PGM2: variants seen among roughly 807,000 people sequenced by gnomAD.
PGM2 encodes phosphoglucomutase 2.
In PGM2, 57 loss-of-function variants were observed where a neutral mutation model predicts 74.6. The ratio of observed to expected loss-of-function variants is 0.76; its 90% CI spans 0.62 to 0.95. The LOEUF is 0.95. PGM2 is among the 40% of genes least tolerant of loss of function. PGM2 has a pLI of 0.00. For missense variants in PGM2, 706 were observed against 741.9 expected (o/e 0.95, Z 0.56); for synonymous variants, 273 against 260.7 (o/e 1.05, Z -0.46).
In PGM2 at chr4:37,847,241, A is replaced by G; in HGVS notation, c.1228A>G (p.Lys410Glu). The change falls in exon 10 of 14, where the codon AAA (lysine) becomes GAA (glutamate). Residue 410 changes from lysine (K) to glutamate (E), a missense_variant. Physicochemically the swap from Lys to Glu is moderately conservative, Grantham distance 56. Around this residue, in one of 3 missense-constraint regions of PGM2, gnomAD observed 359 missense variants for 371.1 expected, o/e 0.97. Coordinates refer to ENST00000381967, the MANE Select transcript of PGM2 (RefSeq NM_018290.4). ...TGFKWMGNRAKQLIDQGKTVL... is the reference protein window; with the variant it reads ...TGFKWMGNRAEQLIDQGKTVL... ...CTTTAAGTGGATGGGAAACAGAGCC[A>G]AACAGCTAATAGACCAGGGGAAAAC... The G allele has an allele frequency of 6.2e-7, 1 of 1,614,094 alleles. No homozygotes were observed. The highest frequency in any genetic ancestry group is 8.5e-7 in the Non-Finnish European group (1 of 1,179,910).
chr4:37,846,654 C>T (rs1280783388), intron 8 of PGM2, among the ~76,000 whole-genome samples: 3 of 152,158 alleles, frequency 2.0e-5, no homozygotes, highest in South Asian at 2.1e-4. Flanking sequence ...AATATAGAGC[C>T]ATTGTGTGTC....
At chr4:37,843,774 T>A (rs1725794077) in intron 6 of PGM2, among the ~76,000 whole-genome samples, 1 of 152,054 alleles carries the variant, frequency 6.6e-6, no homozygotes, top group African/African-American at 2.4e-5. Context: ...CATGCCCAGC[T>A]AATTTTGTAT....
intron 12 of PGM2, among the ~76,000 whole-genome samples, chr4:37,851,845 A>T (rs1726047869): frequency 1.3e-5 from 2 of 152,098 alleles, no homozygotes; most frequent in South Asian, 4.1e-4. Flanking sequence ...GTTAAATCAG[A>T]TTCCGTGCTT....
At chr4:37,837,493 A>G (rs1020669190) in intron 3 of PGM2, 36 bp from the exon 4 acceptor site, 1 of 1,279,232 alleles carries the variant, frequency 7.8e-7, no homozygotes, top group Non-Finnish European at 1.1e-6. Context: ...TGATCACTCA[A>G]CTCTCCTTTT....
chr4:37,830,581 G>T (rs577044428), intron 2 of PGM2, among the ~76,000 whole-genome samples: 1 of 152,328 alleles, frequency 6.6e-6, no homozygotes, highest in Admixed American at 6.5e-5. Flanking sequence ...GATTGAGTCT[G>T]TCTTAATTTG....
chr4:37,853,748 C>T (rs1002839806), intron 12 of PGM2, among the ~76,000 whole-genome samples: 20 of 152,132 alleles, frequency 1.3e-4, no homozygotes, highest in African/African-American at 4.1e-4. Context: ...ATGACTGGGG[C>T]GGAGCTGGGG....
Position 37,826,833 on chromosome 4 carries a change from G to T in PGM2, c.81+20G>T. On this transcript the variant is annotated intron_variant, in intron 1 of 13. Coordinates refer to ENST00000381967, the MANE Select transcript of PGM2 (RefSeq NM_018290.4). ...GACAAGGTGAGGGGCACCAGCAGGC[G>T]GGGAGCGCCTGGAGCGGGGCCGGGT... 6.6e-7 allele frequency: 1 copy of T among 1,508,832 alleles called. No individual in the cohort carries two copies. 93.5% of individuals were successfully genotyped at this position (1,508,832 alleles called of 1,614,324 possible). A position where few individuals can be genotyped will look rare whatever the true frequency, so the allele number is the denominator to read the frequency against.
intron 13 of PGM2, among the ~76,000 whole-genome samples, chr4:37,857,201 G>T (rs1711549236): frequency 6.6e-6 from 1 of 152,158 alleles, no homozygotes; most frequent in Non-Finnish European, 1.5e-5. Flanking sequence ...GTTTCTCAGT[G>T]GCGCTTGCCA....
chr4:37,844,996 CA>C (rs1553886275), intron 7 of PGM2, among the ~76,000 whole-genome samples: 2 of 132,690 alleles, frequency 1.5e-5, no homozygotes, highest in Non-Finnish European at 3.3e-5. Context: ...AAAAAAAAAA[CA>C]AGAAGTATGT....
intron 10 of PGM2, among the ~76,000 whole-genome samples, chr4:37,848,296 G>A (rs1725932469): frequency 6.6e-6 from 1 of 152,252 alleles, no homozygotes; most frequent in African/African-American, 2.4e-5. Context: ...TAGTGATTGA[G>A]CACCATGTGG....
chr4:37,849,416 T>G (rs1198639788), intron 11 of PGM2, among the ~76,000 whole-genome samples: 4 of 143,978 alleles, frequency 2.8e-5, no homozygotes, highest in Non-Finnish European at 6.1e-5. Context: ...TTTTTTTTTT[T>G]TTTTTTTTTT....
rs758975125 is a variant in PGM2 at position 37,845,658 on chromosome 4, A to G, written c.935A>G (p.Lys312Arg). ...ACTTTGTCTTTTGCTTTGGCTGACAAAACCAAGGCCAGAATTGTTTTAGCT... is the reference window on the plus strand; with the variant it reads ...ACTTTGTCTTTTGCTTTGGCTGACAGAACCAAGGCCAGAATTGTTTTAGCT... ...VLTLSFALAD[K>R]TKARIVLAND... Residue 312 changes from lysine to arginine, a missense_variant, in exon 8 of 14, where the codon AAA becomes AGA. By Grantham distance (26) the Lys-to-Arg change is conservative (BLOSUM62 2). Transcript: ENST00000381967. The G allele has an allele frequency of 4.3e-6, 7 of 1,613,288 alleles. No homozygotes were observed. In the East Asian group the frequency reaches 1.6e-4, roughly 36 times the overall value.
chr4:37,827,744 G>C (rs185686005), intron 1 of PGM2, among the ~76,000 whole-genome samples: 1 of 152,188 alleles, frequency 6.6e-6, no homozygotes, highest in East Asian at 1.9e-4. Flanking sequence ...TTTGTTTAAT[G>C]TCTGTCTCCA....
intron 6 of PGM2, among the ~76,000 whole-genome samples, chr4:37,840,837 T>C (rs1725689519): frequency 6.6e-6 from 1 of 152,108 alleles, no homozygotes; most frequent in Non-Finnish European, 1.5e-5. Flanking sequence ...ATAGATGAAA[T>C]GTCGGCGAAG....
intron 3 of PGM2, among the ~76,000 whole-genome samples, chr4:37,836,311 C>T (rs759646665): frequency 3.9e-5 from 6 of 152,260 alleles, no homozygotes; most frequent in African/African-American, 7.2e-5. Flanking sequence ...ACCTGTAACG[C>T]GTGAGACATT....
At chr4:37,859,870 C>T (rs1272077055) in intron 13 of PGM2, among the ~76,000 whole-genome samples, 3 of 152,158 alleles carry the variant, frequency 2.0e-5, no homozygotes, top group Non-Finnish European at 4.4e-5. Context: ...ACAGGAATTC[C>T]TAACCCTGGC....
In PGM2 at chr4:37,859,879, G is replaced by T. The variant is rs1011714110; in HGVS notation, c.1737-1631G>T. ...TCAGAAACAGGAATTCCTAACCCTG[G>T]CTTAAATGATTATAGGATGTGTCCT... is the stretch of plus-strand genomic sequence containing the variant. On this transcript the variant is annotated intron_variant, in intron 13 of 13. Coordinates refer to ENST00000381967, the MANE Select transcript of PGM2 (RefSeq NM_018290.4). Among the ~76,000 whole-genome samples, 12 of 152,102 alleles carry T rather than the reference G, an allele frequency of 7.9e-5. 1 individual carries two copies. The highest frequency in any genetic ancestry group is 6.6e-4 in the Admixed American group (10 of 15,242).
chr4:37,839,997 G>C, intron 5 of PGM2, 66 bp downstream of exon 5: 1 of 1,520,396 alleles, frequency 6.6e-7, no homozygotes. Flanking sequence ...TAATTTTTGG[G>C]ACCATAGGTA....
intron 4 of PGM2, among the ~76,000 whole-genome samples, 159 bp downstream of exon 4, chr4:37,837,772 C>T (rs1017439598): frequency 4.6e-5 from 7 of 152,136 alleles, no homozygotes; most frequent in Admixed American, 4.6e-4. Flanking sequence ...GAATGTTTCT[C>T]CCACATCTTA....
Sources: allele counts gnomAD v4.1 joint callset (sites outside exome capture counted in the v4.1 genomes callset), GRCh38; gene constraint gnomAD v4.1.1; regional missense constraint gnomAD v4.1.1; transcripts MANE v1.5; gene names NCBI Gene and HGNC (gene_info 2026-07-23, HGNC 2026-07-21).